Variants in MYO10 observed in about 807,000 individuals in gnomAD.
MYO10 encodes myosin X.
MYO10 carries 133 observed loss-of-function variants against 257.3 expected under a neutral mutation model. The observed-to-expected ratio is 0.52, with a 90% CI of 0.45 to 0.60. The LOEUF (loss-of-function observed/expected upper bound fraction) is 0.60. Among genes scored for constraint, MYO10 ranks in the 20% least tolerant of loss-of-function variants. The probability of loss-of-function intolerance (pLI) is 0.00; values close to 1 mark genes in which losing one functional copy is unlikely to be tolerated. For missense variants in MYO10, 2,399 were observed against 2,635.7 expected (o/e 0.91, Z 1.97); for synonymous variants, 1,104 against 1,028.6 (o/e 1.07, Z -1.40).
intron 1 of MYO10, 36 bp from the exon 2 acceptor site, chr5:16,877,743 G>C (rs765087532): frequency 7.1e-6 from 11 of 1,553,646 alleles, no homozygotes; most frequent in Non-Finnish European, 6.2e-6. Flanking sequence ...ACTGAGTTTG[G>C]ATTGCATTTT....
intron 4 of MYO10, among the ~76,000 whole-genome samples, chr5:16,791,563 T>TACACACACACAC (rs58464460): frequency 0.41 from 62,248 of 150,954 alleles, 13,045 homozygotes; most frequent in African/African-American, 0.45. Context: ...CACACACACA[T>TACACACACACAC]ACACATATGC....
chr5:16,794,383 T>TTTAAAAAA (rs751679786), intron 4 of MYO10, among the ~76,000 whole-genome samples: 1 of 140,604 alleles, frequency 7.1e-6, no homozygotes. Context: ...AATGTTGCTT[T>TTTAAAAAA]AAAAAAAAAA....
rs75985666 is a variant in MYO10 at position 16,850,072 on chromosome 5, A to G, written c.120+27537T>C. Among the ~76,000 whole-genome samples the G allele has an allele frequency of 8.1e-3, 1,240 of 152,322 alleles. 19 individuals are homozygous for G. Among genetic ancestry groups the G allele is most frequent in the African/African-American group, 0.028 (1,182 of 41,568 alleles). The stretch of plus-strand genomic sequence containing the variant: ...TTAGACCCGGAATTTCTATAAGACA[A>G]AGAGGAATGCTTTTAGGCAAGTAAA... On this transcript the variant is annotated intron_variant, in intron 2 of 40. Transcript: ENST00000513610.
chr5:16,797,418 TA>T (rs891737748), intron 3 of MYO10, among the ~76,000 whole-genome samples: 57 of 152,132 alleles, frequency 3.7e-4, no homozygotes, highest in Non-Finnish European at 6.5e-4. Context: ...GCAAAAGATT[TA>T]AAAAAAGGTT....
chr5:16,905,314 A>G (rs1029318849), intron 1 of MYO10, among the ~76,000 whole-genome samples: 3 of 152,116 alleles, frequency 2.0e-5, no homozygotes, highest in Non-Finnish European at 4.4e-5. Context: ...TGTTACTAAT[A>G]TCTTCGGAGG....
At chr5:16,728,373 A>C (rs1739453372) in intron 19 of MYO10, among the ~76,000 whole-genome samples, 2 of 151,240 alleles carry the variant, frequency 1.3e-5, no homozygotes, top group South Asian at 4.2e-4. Context: ...TTGCACACCA[A>C]CTCCTTGGGG....
intron 1 of MYO10, among the ~76,000 whole-genome samples, chr5:16,887,674 A>G (rs1744931638): frequency 6.6e-6 from 1 of 152,142 alleles, no homozygotes; most frequent in African/African-American, 2.4e-5. Flanking sequence ...TATTTTTAGT[A>G]GAGACTGGGT....
At chr5:16,900,043 A>T (rs1745334575) in intron 1 of MYO10, among the ~76,000 whole-genome samples, 1 of 151,272 alleles carries the variant, frequency 6.6e-6, no homozygotes, top group Admixed American at 6.6e-5. Context: ...CAGCTCTGGG[A>T]AACTTAGTAT....
intron 19 of MYO10, among the ~76,000 whole-genome samples, chr5:16,745,264 C>T (rs1466231298): frequency 1.3e-5 from 2 of 152,084 alleles, no homozygotes; most frequent in African/African-American, 2.4e-5. Flanking sequence ...TGCTTGAACC[C>T]GGGGGAGGTG....
chr5:16,761,537 C>T lies in MYO10; in HGVS notation c.1666G>A (p.Asp556Asn). The change falls in exon 17 of 41, where the codon GAT becomes AAT. Residue 556 changes from aspartate to asparagine, a missense_variant. Asp to Asn is a conservative substitution (Grantham distance 23). Around this residue, in one of 3 missense-constraint regions of MYO10, gnomAD observed 337 missense variants for 446.8 expected, o/e 0.75. Coordinates refer to ENST00000513610, the MANE Select transcript of MYO10 (RefSeq NM_012334.3). ...VKHYAGEVQYDVRGILEKNRD... is the reference protein window; with the variant it reads ...VKHYAGEVQYNVRGILEKNRD... The stretch of plus-strand genomic sequence containing the variant: ...TTCTTCTCCAAGATACCTCGGACAT[C>T]ATATTGCACCTAGTTTTAATAAATA... 3.7e-6 allele frequency: 6 copies of T among 1,611,584 alleles called. No homozygotes were observed. The highest frequency in any genetic ancestry group is 5.1e-6 in the Non-Finnish European group (6 of 1,178,148).
chr5:16,810,389 T>C (rs572791348), intron 3 of MYO10, among the ~76,000 whole-genome samples: 7 of 152,298 alleles, frequency 4.6e-5, no homozygotes, highest in African/African-American at 1.7e-4. Flanking sequence ...AGCCCTCCCC[T>C]ACTGAATTAC....
chr5:16,839,954 C>T (rs754763183), intron 2 of MYO10, among the ~76,000 whole-genome samples: 2 of 151,962 alleles, frequency 1.3e-5, no homozygotes, highest in Non-Finnish European at 2.9e-5. Flanking sequence ...AGTCGAGGGG[C>T]GTCTGTACTT....
rs779445027 is a variant in MYO10 at position 16,780,717 on chromosome 5, C to T, written c.741+11G>A. ...ATGGAAGAAAATGTGGATTAAATCA[C>T]GTTTACTTACTTTTTCTAATAAATC... On this transcript the variant is annotated intron_variant, in intron 7 of 40. Coordinates refer to ENST00000513610, the MANE Select transcript of MYO10 (RefSeq NM_012334.3). 7 of 1,570,574 alleles carry T rather than the reference C, an allele frequency of 4.5e-6. No homozygotes were observed. The highest frequency in any genetic ancestry group is 6.1e-6 in the Non-Finnish European group (7 of 1,155,492).
Position 16,908,810 on chromosome 5 carries a change from C to G in MYO10, c.21+26978G>C, listed in dbSNP as rs139884728. The stretch of plus-strand genomic sequence containing the variant: ...ACTGGAATATCGGAATGTACTGATG[C>G]ATGCTACAACATAGATGAATCTTGA... On this transcript the variant is annotated intron_variant, in intron 1 of 40. Coordinates refer to ENST00000513610, the MANE Select transcript of MYO10 (RefSeq NM_012334.3). Among the ~76,000 whole-genome samples, 5 of 152,326 alleles carry G rather than the reference C, an allele frequency of 3.3e-5. No homozygotes were observed. The East Asian group carries it at 9.6e-4, about 29-fold the overall frequency.
intron 2 of MYO10, among the ~76,000 whole-genome samples, chr5:16,869,430 T>A (rs1187800871): frequency 1.3e-5 from 2 of 150,902 alleles, no homozygotes; most frequent in African/African-American, 2.4e-5. Flanking sequence ...CCAGAAAAAA[T>A]TTTTCAGGCA....
chr5:16,691,162 C>A (rs983757951), intron 27 of MYO10, among the ~76,000 whole-genome samples: 1 of 151,062 alleles, frequency 6.6e-6, no homozygotes, highest in Non-Finnish European at 1.5e-5. Context: ...TCCAGCTACT[C>A]GGGAGGATGA....
At chr5:16,704,798 C>T (rs1738254331) in intron 21 of MYO10, 113 bp from the exon 22 acceptor site, 1 of 755,304 alleles carries the variant, frequency 1.3e-6, no homozygotes, top group Non-Finnish European at 2.2e-6. Flanking sequence ...TAGTTTGATC[C>T]ACCACATGGC....
intron 33 of MYO10, among the ~76,000 whole-genome samples, chr5:16,677,395 A>G (rs1736775845): frequency 6.8e-6 from 1 of 146,068 alleles, no homozygotes; most frequent in Non-Finnish European, 1.5e-5. Flanking sequence ...AATTTTATGG[A>G]CTTATTTAGG....
At chr5:16,685,603 C>T in intron 29 of MYO10, 135 bp downstream of exon 29, 1 of 650,808 alleles carries the variant, frequency 1.5e-6, no homozygotes, top group South Asian at 1.9e-5. Flanking sequence ...TGTTTTTCTC[C>T]TTAATTATTC....
Sources: allele counts gnomAD v4.1 joint callset (sites outside exome capture counted in the v4.1 genomes callset), GRCh38; gene constraint gnomAD v4.1.1; regional missense constraint gnomAD v4.1.1; transcripts MANE v1.5; gene names NCBI Gene and HGNC (gene_info 2026-07-23, HGNC 2026-07-21).